Variants in UNC5D observed in about 807,000 individuals in gnomAD.
The protein encoded by UNC5D is netrin receptor UNC5D.
Under a neutral mutation model 105.4 loss-of-function variants are expected in UNC5D, and 39 were observed. That is an observed-to-expected ratio of 0.37 (90% CI 0.29 to 0.48). The LOEUF (loss-of-function observed/expected upper bound fraction) is 0.48. UNC5D is among the 20% of genes least tolerant of loss of function. UNC5D has a pLI of 0.98. For missense variants in UNC5D, 991 were observed against 1,202.4 expected, an observed-to-expected ratio of 0.82 and a Z score of 2.60; for synonymous variants, 452 against 450.4, an observed-to-expected ratio of 1.00 and a Z score of -0.04.
intron 1 of UNC5D, among the ~76,000 whole-genome samples, chr8:35,405,061 G>A (rs564493015): frequency 1.3e-5 from 2 of 152,306 alleles, no homozygotes; most frequent in East Asian, 3.9e-4. Flanking sequence ...ATATTTGGAT[G>A]TATTTATGAA....
chr8:35,585,768 T>C (rs1234830941), intron 3 of UNC5D, among the ~76,000 whole-genome samples: 2 of 151,518 alleles, frequency 1.3e-5, no homozygotes, highest in Non-Finnish European at 2.9e-5. Flanking sequence ...ATGAATATAA[T>C]ATATAATAAT....
At chr8:35,322,819 T>C (rs1809852718) in intron 1 of UNC5D, among the ~76,000 whole-genome samples, 1 of 152,228 alleles carries the variant, frequency 6.6e-6, no homozygotes, top group Non-Finnish European at 1.5e-5. Context: ...TAAATCATTA[T>C]AATGATTTGA....
chr8:35,345,136 TAC>T (rs1811715505), intron 1 of UNC5D, among the ~76,000 whole-genome samples: 1 of 152,076 alleles, frequency 6.6e-6, no homozygotes, highest in African/African-American at 2.4e-5. Flanking sequence ...TACCTAAAAA[TAC>T]ACTTTTCTCC....
At chr8:35,716,309 C>A in intron 8 of UNC5D, among the ~76,000 whole-genome samples, 1 of 152,122 alleles carries the variant, frequency 6.6e-6, no homozygotes, top group Non-Finnish European at 1.5e-5. Context: ...AGAATGTGAT[C>A]ATCTGTGTAG....
In UNC5D at chr8:35,722,243, C is replaced by A; in HGVS notation, c.1151C>A (p.Ser384Ter). 1 of 1,613,982 alleles carries A rather than the reference C, an allele frequency of 6.2e-7. No homozygotes were observed. Among genetic ancestry groups the A allele is most frequent in the Non-Finnish European group, 8.5e-7 (1 of 1,179,958 alleles). ...AATGCCAGCGACATTGCTTTGTACT[C>A]GGGCTTGGGTGCTGCCGTCGTGGCC... ...IENASDIALYSGLGAAVVAVA... is the reference protein window; with the variant it reads ...IENASDIALY Residue 384 changes from serine to a stop codon, truncating the protein, a stop_gained, in exon 9 of 17, where the codon TCG becomes TAG. Coordinates refer to ENST00000404895, the MANE Select transcript of UNC5D (RefSeq NM_080872.4). LOFTEE classifies it high-confidence loss of function.
At chr8:35,724,540 G>T (rs1828757322) in intron 9 of UNC5D, among the ~76,000 whole-genome samples, 1 of 152,164 alleles carries the variant, frequency 6.6e-6, no homozygotes, top group South Asian at 2.1e-4. Context: ...CTTCAGTCAA[G>T]CTGGCAGCCA....
chr8:35,485,839 G>A (rs1161424721), intron 1 of UNC5D, among the ~76,000 whole-genome samples: 1 of 152,140 alleles, frequency 6.6e-6, no homozygotes, highest in Non-Finnish European at 1.5e-5. Context: ...TAAAACCATG[G>A]TAGACCTAGG....
intron 1 of UNC5D, among the ~76,000 whole-genome samples, chr8:35,339,474 T>C (rs1413366554): frequency 6.6e-6 from 1 of 152,216 alleles, no homozygotes; most frequent in Non-Finnish European, 1.5e-5. Context: ...GAGAAAAAGA[T>C]GTATGATTTA....
intron 1 of UNC5D, among the ~76,000 whole-genome samples, chr8:35,413,445 C>T (rs1418235579): frequency 6.6e-6 from 1 of 150,912 alleles, no homozygotes. Context: ...AGCCAGAAGC[C>T]TGAAGCCACC....
At chr8:35,535,038 T>C (rs940544167) in intron 1 of UNC5D, among the ~76,000 whole-genome samples, 2 of 152,152 alleles carry the variant, frequency 1.3e-5, no homozygotes, top group Non-Finnish European at 2.9e-5. Flanking sequence ...TAATATTGGT[T>C]GTTTCTTTTA....
chr8:35,719,340 A>C (rs1828441239), intron 8 of UNC5D, among the ~76,000 whole-genome samples: 1 of 152,192 alleles, frequency 6.6e-6, no homozygotes, highest in Non-Finnish European at 1.5e-5. Context: ...GGAAAGAAAG[A>C]TCAGAAAACA....
intron 1 of UNC5D, among the ~76,000 whole-genome samples, chr8:35,331,387 C>T (rs1352109998): frequency 6.6e-6 from 1 of 152,110 alleles, no homozygotes; most frequent in Non-Finnish European, 1.5e-5. Flanking sequence ...GGTTTCTTTG[C>T]TCCCTGAATA....
chr8:35,383,961 C>T (rs1803207772), intron 1 of UNC5D, among the ~76,000 whole-genome samples: 1 of 151,926 alleles, frequency 6.6e-6, no homozygotes, highest in South Asian at 2.1e-4. Flanking sequence ...TCACGCCTGT[C>T]ATCCCAGCAC....
chr8:35,460,461 C>A (rs1808811047), intron 1 of UNC5D, among the ~76,000 whole-genome samples: 1 of 152,132 alleles, frequency 6.6e-6, no homozygotes, highest in Non-Finnish European at 1.5e-5. Context: ...GAAATTACAC[C>A]AGGACCACAA....
At chr8:35,446,764 T>C (rs1807823155) in intron 1 of UNC5D, among the ~76,000 whole-genome samples, 1 of 152,104 alleles carries the variant, frequency 6.6e-6, no homozygotes, top group Non-Finnish European at 1.5e-5. Context: ...ATCCAGTTTG[T>C]TGCCCATACC....
chr8:35,724,176 G>A (rs922567241), intron 9 of UNC5D: 2 of 1,477,420 alleles, frequency 1.4e-6, no homozygotes, highest in African/African-American at 1.4e-5. Flanking sequence ...CTCAACTTAT[G>A]TGTATTGTAA....
At chr8:35,407,777 G>A (rs1016230969) in intron 1 of UNC5D, among the ~76,000 whole-genome samples, 11 of 152,032 alleles carry the variant, frequency 7.2e-5, no homozygotes, top group African/African-American at 2.7e-4. Context: ...GCTTATAATT[G>A]AGAACATGCA....
intron 7 of UNC5D, among the ~76,000 whole-genome samples, chr8:35,691,058 T>C (rs1410848480): frequency 6.6e-6 from 1 of 152,206 alleles, no homozygotes; most frequent in Non-Finnish European, 1.5e-5. Context: ...GCATTTCTCC[T>C]AGAGATGAAG....
At chr8:35,746,592 C>G (rs1283382813) in intron 11 of UNC5D, among the ~76,000 whole-genome samples, 1 of 152,172 alleles carries the variant, frequency 6.6e-6, no homozygotes, top group Non-Finnish European at 1.5e-5. Flanking sequence ...CTGCCTCTGA[C>G]TCCTAAAGCT....
Sources: allele counts gnomAD v4.1 joint callset (sites outside exome capture counted in the v4.1 genomes callset), GRCh38; gene constraint gnomAD v4.1.1; transcripts MANE v1.5; gene names NCBI Gene and HGNC (gene_info 2026-07-23, HGNC 2026-07-21).